Variants in ZNF185 observed in about 807,000 individuals in gnomAD.
ZNF185 encodes the protein zinc finger protein 185.
Under a neutral mutation model 58.6 loss-of-function variants are expected in ZNF185, and 56 were observed. The ratio of observed to expected loss-of-function variants is 0.95; its 90% CI spans 0.77 to 1.19. ZNF185 has a LOEUF of 1.19. Ranked by LOEUF, ZNF185 falls within the 50% of genes most tolerant of loss-of-function variation. ZNF185 has a pLI of 0.00. For synonymous variants in ZNF185, 230 were observed against 215.9 expected, an observed-to-expected ratio of 1.07 and a Z score of -0.57; for missense variants, 627 against 573.5, an observed-to-expected ratio of 1.09 and a Z score of -0.95.
chrX:152,928,087 A>G (rs1556874062), intron 11 of ZNF185, among the ~76,000 whole-genome samples: 2 of 111,295 alleles, frequency 1.8e-5, no homozygotes, highest in South Asian at 3.8e-4. Context: ...GCAAGAGGAA[A>G]GCTCAAAGGG....
At chrX:152,970,811 C>T (rs1433842100) in intron 22 of ZNF185, among the ~76,000 whole-genome samples, 1 of 111,253 alleles carries the variant, frequency 9.0e-6, no homozygotes, top group East Asian at 2.8e-4. Flanking sequence ...CTGGGATACT[C>T]GCTCGGCCGC....
chrX:152,932,838 A>G, intron 13 of ZNF185, 35 bp from the exon 15 acceptor site: 1 of 1,082,511 alleles, frequency 9.2e-7, no homozygotes, highest in Non-Finnish European at 1.3e-6. Context: ...TCAAAACGCA[A>G]CTAGAGTCAG....
intron 16 of ZNF185, among the ~76,000 whole-genome samples, chrX:152,955,182 T>G (rs2048697619): frequency 8.9e-6 from 1 of 112,279 alleles, no homozygotes; most frequent in Admixed American, 9.4e-5. Context: ...TAGGTTACAG[T>G]TTATTGACAA....
At chrX:152,967,260 G>A (rs781929433) in intron 20 of ZNF185, 22 bp downstream of exon 22, 15 of 1,191,642 alleles carry the variant, frequency 1.3e-5, no homozygotes, top group African/African-American at 5.3e-5. Flanking sequence ...TTCTTAGCAC[G>A]GAGCTTGCAC....
At chrX:152,965,092 G>A (rs1556913450) in intron 18 of ZNF185, among the ~76,000 whole-genome samples, 1 of 111,794 alleles carries the variant, frequency 8.9e-6, no homozygotes, top group African/African-American at 3.3e-5. Context: ...GAAAGACGAC[G>A]CAGCCCTAAA....
Position 152,967,050 on chromosome X carries a change from G to T in ZNF185, c.1800-117G>T, listed in dbSNP as rs2050186337. ...GGCCCTGTGGCACCAAGTCATGAAT[G>T]ACGACTGGCATCGTAGTTATGTCTC... On this transcript the variant is annotated intron_variant, in intron 19 of 22. Coordinates refer to ENST00000449285, the Ensembl canonical transcript of ZNF185. 4.3e-6 allele frequency: 3 copies of T among 689,828 alleles called. No individual in the cohort carries two copies. In the East Asian group the frequency reaches 1.0e-4, roughly 23 times the overall value. The allele number at this position is 689,828 out of a possible 1,213,427, so 56.8% of individuals were successfully genotyped here. A position where few individuals can be genotyped will look rare whatever the true frequency, so the allele number is the denominator to read the frequency against.
At chrX:152,937,032 C>G (rs1269064212) in intron 14 of ZNF185, among the ~76,000 whole-genome samples, 2 of 111,987 alleles carry the variant, frequency 1.8e-5, no homozygotes, top group Non-Finnish European at 3.8e-5. Flanking sequence ...GTTTCACCCA[C>G]CAATCCACCA....
chrX:152,917,491 T>TCCTGCCCTACCC, intron 5 of ZNF185, 129 bp downstream of exon 6: 1 of 823,555 alleles, frequency 1.2e-6, no homozygotes, highest in Non-Finnish European at 1.8e-6. Flanking sequence ...TCATCCTGGG[T>TCCTGCCCTACCC]AGGGCAGGAC....
At chrX:152,936,122 T>C (rs901880849) in intron 14 of ZNF185, among the ~76,000 whole-genome samples, 2 of 112,349 alleles carry the variant, frequency 1.8e-5, no homozygotes, top group Non-Finnish European at 3.8e-5. Context: ...ATGATTAGCA[T>C]CCCTATTTCA....
intron 16 of ZNF185, among the ~76,000 whole-genome samples, chrX:152,949,421 TC>T (rs1240505523): frequency 8.9e-6 from 1 of 112,272 alleles, no homozygotes; most frequent in Non-Finnish European, 1.9e-5. Flanking sequence ...TGTAGACAAA[TC>T]CCCTTTCCGG....
intron 12 of ZNF185, among the ~76,000 whole-genome samples, chrX:152,931,349 G>A (rs1360068449): frequency 7.1e-5 from 8 of 112,339 alleles, no homozygotes; most frequent in Non-Finnish European, 1.3e-4. Flanking sequence ...ATCACAGCTC[G>A]CTGCAGCCTC....
At chrX:152,914,260 G>A (rs1937876778), upstream of ZNF185, among the ~76,000 whole-genome samples, 1 of 112,054 alleles carries the variant, frequency 8.9e-6, no homozygotes. Context: ...GTGCCGCTGG[G>A]CAGCAGCAGG....
At chrX:152,936,632 C>A in intron 14 of ZNF185, 119 bp downstream of exon 16, 1 of 592,099 alleles carries the variant, frequency 1.7e-6, no homozygotes, top group Non-Finnish European at 2.7e-6. Flanking sequence ...ATGCCACTTT[C>A]ACATCAGGTG....
At chrX:152,919,594 G>C (rs1939289464) in intron 7 of ZNF185, among the ~76,000 whole-genome samples, 1 of 112,199 alleles carries the variant, frequency 8.9e-6, no homozygotes, top group Non-Finnish European at 1.9e-5. Flanking sequence ...GGCCAGCAAA[G>C]TTCCATGGAC....
chrX:152,947,113 G>T (rs2047858380), intron 16 of ZNF185, among the ~76,000 whole-genome samples: 1 of 112,228 alleles, frequency 8.9e-6, no homozygotes, highest in African/African-American at 3.2e-5. Flanking sequence ...TGGCGTGGTG[G>T]CTCACACCTG....
At chrX:152,907,020 T>C in the ZNF185 span, among the ~76,000 whole-genome samples, 1,732 of 111,057 alleles carry the variant, frequency 0.016, 34 homozygotes, top group African/African-American at 0.053. Flanking sequence ...CCTAATCCCC[T>C]GCGAGCCAGC....
At chrX:152,898,091 C>T in the ZNF185 span, among the ~76,000 whole-genome samples, 5 of 78,960 alleles carry the variant, frequency 6.3e-5, no homozygotes, top group Non-Finnish European at 1.4e-4. Context: ...CGCCTCCCTG[C>T]GCGCTCCCCG....
At chrX:152,901,458 T>C in the ZNF185 span, among the ~76,000 whole-genome samples, 1 of 110,303 alleles carries the variant, frequency 9.1e-6, no homozygotes, top group African/African-American at 3.3e-5. Context: ...TTTTTTACCT[T>C]GAATTGATTT....
At chrX:152,972,658 ACT>A (rs1253008983) in exon 23 of ZNF185, 1 of 110,798 alleles carries the variant, frequency 9.0e-6, no homozygotes, top group African/African-American at 3.3e-5. Context: ...TCCTGTCTAG[ACT>A]CTGCCTTAAG....
Sources: gnomAD v4.1 joint callset for allele counts (sites outside exome capture counted in the v4.1 genomes callset) on GRCh38, gnomAD v4.1.1 for gene constraint, MANE v1.5 for transcripts, NCBI Gene and HGNC (gene_info 2026-07-23, HGNC 2026-07-21) for gene names.